The following BBS9 variants were observed in gnomAD, a reference collection of about 807,000 sequenced individuals.
BBS9 encodes protein PTHB1.
In BBS9, 89 loss-of-function variants were observed where a neutral mutation model predicts 117.7. The ratio of observed to expected loss-of-function variants is 0.76; its 90% confidence interval spans 0.64 to 0.90. The LOEUF (loss-of-function observed/expected upper bound fraction) is 0.90, where lower values mean the gene tolerates loss of function less well. Among genes scored for constraint, BBS9 ranks in the 40% least tolerant of loss-of-function variants. The pLI, the probability that BBS9 is intolerant of heterozygous loss-of-function variation, is 0.00. For missense variants in BBS9, 982 were observed against 1,042.2 expected (o/e 0.94, Z 0.80); for synonymous variants, 379 against 370.9 (o/e 1.02, Z -0.25).
intron 5 of BBS9, among the ~76,000 whole-genome samples, chr7:33,190,118 A>ATTTT (rs35553731): frequency 1.7e-5 from 2 of 117,706 alleles, no homozygotes; most frequent in African/African-American, 3.3e-5. Context: ...TTACATGGGG[A>ATTTT]TTTTTTTTTT....
At chr7:33,210,728 G>A (rs1046017023) in intron 5 of BBS9, among the ~76,000 whole-genome samples, 10 of 152,108 alleles carry the variant, frequency 6.6e-5, no homozygotes, top group African/African-American at 2.4e-4. Context: ...TAGTAGAGAC[G>A]TGGTTTCACC....
At chr7:33,431,262 A>C (rs1834419490) in intron 19 of BBS9, among the ~76,000 whole-genome samples, 1 of 151,962 alleles carries the variant, frequency 6.6e-6, no homozygotes, top group Non-Finnish European at 1.5e-5. Context: ...TTGTCCAATA[A>C]AGAAGTGACT....
chr7:33,279,569 T>G (rs957281602), intron 9 of BBS9, among the ~76,000 whole-genome samples: 1 of 152,222 alleles, frequency 6.6e-6, no homozygotes, highest in African/African-American at 2.4e-5. Context: ...TAGATCAAGT[T>G]GATGCAATTA....
intron 19 of BBS9, among the ~76,000 whole-genome samples, chr7:33,463,607 C>G (rs1489602360): frequency 6.6e-6 from 1 of 152,008 alleles, no homozygotes; most frequent in African/African-American, 2.4e-5. Flanking sequence ...TAAAGCTAAT[C>G]AGATTCCTCT....
At chr7:33,382,326 T>C (rs2128745644) in intron 17 of BBS9, among the ~76,000 whole-genome samples, 1 of 151,994 alleles carries the variant, frequency 6.6e-6, no homozygotes, top group South Asian at 2.1e-4. Context: ...TGTGTGTCAT[T>C]GCAGGTACCT....
intron 9 of BBS9, 117 bp from the exon 10 acceptor site, chr7:33,336,324 G>T: frequency 2.7e-6 from 2 of 732,468 alleles, no homozygotes; most frequent in Non-Finnish European, 4.7e-6. Context: ...TTTAGAAATA[G>T]ATATATAGTT....
At chr7:33,386,452 T>TTTCA (rs1334084971) in intron 18 of BBS9, among the ~76,000 whole-genome samples, 29 of 142,538 alleles carry the variant, frequency 2.0e-4, no homozygotes, top group Admixed American at 1.9e-3. Flanking sequence ...ACTAGCTTGC[T>TTTCA]TTCATTTATT....
chr7:33,406,891 G>C (rs139293306), intron 19 of BBS9, among the ~76,000 whole-genome samples: 12,888 of 152,074 alleles, frequency 0.085, 543 homozygotes, highest in South Asian at 0.14. Context: ...TTCAACTTTG[G>C]TGAATCTGAC....
intron 19 of BBS9, among the ~76,000 whole-genome samples, chr7:33,408,096 C>T (rs910988440): frequency 1.3e-5 from 2 of 152,232 alleles, no homozygotes; most frequent in Admixed American, 6.5e-5. Context: ...CCACCCAGTT[C>T]GAGCTTCCTG....
chr7:33,413,703 A>G (rs980105760), intron 19 of BBS9, among the ~76,000 whole-genome samples: 1 of 152,118 alleles, frequency 6.6e-6, no homozygotes, highest in African/African-American at 2.4e-5. Flanking sequence ...GGGACTGGCT[A>G]TTGGCCCCTT....
intron 20 of BBS9, among the ~76,000 whole-genome samples, chr7:33,524,352 G>C (rs2129046629): frequency 6.6e-6 from 1 of 152,304 alleles, no homozygotes; most frequent in East Asian, 1.9e-4. Flanking sequence ...ACCTCTGATA[G>C]TATTCGGCTG....
At chr7:33,546,975 G>GCAGA (rs1853485572) in intron 21 of BBS9, among the ~76,000 whole-genome samples, 1 of 152,068 alleles carries the variant, frequency 6.6e-6, no homozygotes, top group South Asian at 2.1e-4. Context: ...TGCCGCACAT[G>GCAGA]CAGACACACA....
intron 5 of BBS9, among the ~76,000 whole-genome samples, chr7:33,188,233 A>T (rs1783489751): frequency 6.6e-6 from 1 of 151,910 alleles, no homozygotes; most frequent in East Asian, 1.9e-4. Context: ...TAATCCAGAG[A>T]TTAGTAATTC....
chr7:33,586,508 G>A (rs1372435096), intron 21 of BBS9, among the ~76,000 whole-genome samples: 1 of 152,068 alleles, frequency 6.6e-6, no homozygotes, highest in East Asian at 1.9e-4. Context: ...AGAACTGAGA[G>A]TTGAACTACC....
rs1376087389 is a variant in BBS9 at position 33,450,871 on chromosome 7, TTTTTTG to T, written c.2116-54586_2116-54581del. Among the ~76,000 whole-genome samples, 10 of 136,574 alleles carry T rather than the reference TTTTTTG, an allele frequency of 7.3e-5. No individual in the cohort carries two copies. The East Asian group carries it at 2.7e-3, about 37-fold the overall frequency. 89.6% of individuals were successfully genotyped at this position (136,574 alleles called of 152,430 possible). On this transcript the variant is annotated intron_variant, in intron 19 of 22. Coordinates refer to ENST00000242067, the MANE Select transcript of BBS9 (RefSeq NM_198428.3). ...TTCCTTTGCTGTTCAGAAGTTTTTT[TTTTTTG>T]TTTTTTTGTTTTTTTGTTTTTTTGT...
intron 5 of BBS9, among the ~76,000 whole-genome samples, chr7:33,227,443 G>A (rs1217887436): frequency 6.6e-6 from 1 of 151,876 alleles, no homozygotes; most frequent in African/African-American, 2.4e-5. Context: ...CACTGCACCC[G>A]GCCTAATCTT....
At chr7:33,189,425 C>G (rs992259860) in intron 5 of BBS9, among the ~76,000 whole-genome samples, 3 of 151,934 alleles carry the variant, frequency 2.0e-5, no homozygotes, top group Admixed American at 6.6e-5. Context: ...TGAATTATTG[C>G]CTTCTTTTCA....
chr7:33,242,313 G>A (rs561598318), intron 5 of BBS9, among the ~76,000 whole-genome samples: 1 of 152,110 alleles, frequency 6.6e-6, no homozygotes, highest in East Asian at 1.9e-4. Flanking sequence ...TAGAGGTAGA[G>A]CTCTTTGTGG....
chr7:33,255,104 G>GT (rs1424159388), intron 5 of BBS9, among the ~76,000 whole-genome samples: 3 of 151,902 alleles, frequency 2.0e-5, no homozygotes, highest in African/African-American at 2.4e-5. Flanking sequence ...CCCATTATGT[G>GT]TTTTTTTGTT....
Sources: gnomAD v4.1 joint callset for allele counts (sites outside exome capture counted in the v4.1 genomes callset) on GRCh38, gnomAD v4.1.1 for gene constraint, MANE v1.5 for transcripts, NCBI Gene and HGNC (gene_info 2026-07-23, HGNC 2026-07-21) for gene names.